The following ATP11A variants were observed in gnomAD, a reference collection of about 807,000 sequenced individuals.
ATP11A encodes the protein ATPase phospholipid transporting 11A.
Under a neutral mutation model 154.4 loss-of-function variants are expected in ATP11A, and 81 were observed. The observed-to-expected ratio is 0.52, with a 90% CI of 0.44 to 0.63. ATP11A has a LOEUF of 0.63. ATP11A is among the 30% of genes least tolerant of loss of function. The probability of loss-of-function intolerance (pLI) is 0.00; values close to 1 mark genes in which losing one functional copy is unlikely to be tolerated. For synonymous variants in ATP11A, 623 were observed against 585.9 expected, an observed-to-expected ratio of 1.06 and a Z score of -0.91; for missense variants, 1,316 against 1,474.3, an observed-to-expected ratio of 0.89 and a Z score of 1.76.
At chr13:112,756,961 C>T (rs901922910) in intron 1 of ATP11A, among the ~76,000 whole-genome samples, 1 of 151,566 alleles carries the variant, frequency 6.6e-6, no homozygotes, top group African/African-American at 2.4e-5. Context: ...GAAATTGTTA[C>T]ATACTAGTTA....
rs74115475 is a variant in ATP11A at position 112,794,596 on chromosome 13, G to A, written c.162+9339G>A. ...TAGAATAAAGCAATTGAGGCCAGGC[G>A]CAGTGGCTCACACCTGTAATCCCAG... On this transcript the variant is annotated intron_variant, in intron 2 of 29. Transcript: ENST00000375645. Among the ~76,000 whole-genome samples, 15 of 152,298 alleles carry A rather than the reference G, an allele frequency of 9.8e-5. No homozygotes were observed. The East Asian group carries it at 1.5e-3, about 16-fold the overall frequency.
intron 1 of ATP11A, among the ~76,000 whole-genome samples, chr13:112,725,562 T>C (rs1889757152): frequency 6.6e-6 from 1 of 152,196 alleles, no homozygotes; most frequent in Non-Finnish European, 1.5e-5. Flanking sequence ...AAGTGTGTGC[T>C]CTATGTGCTT....
At chr13:112,813,720 C>T (rs868843947) in intron 5 of ATP11A, among the ~76,000 whole-genome samples, 23 of 152,022 alleles carry the variant, frequency 1.5e-4, no homozygotes, top group Non-Finnish European at 2.4e-4. Context: ...TTCATTCCCA[C>T]GCACGACGTT....
At chr13:112,693,595 A>C (rs578150512) in intron 1 of ATP11A, among the ~76,000 whole-genome samples, 13 of 151,888 alleles carry the variant, frequency 8.6e-5, no homozygotes, top group Admixed American at 6.6e-4. Flanking sequence ...ATGGGGTAGC[A>C]TATGAGCCAT....
chr13:112,741,902 C>T (rs1453993307), intron 1 of ATP11A, among the ~76,000 whole-genome samples: 3 of 152,122 alleles, frequency 2.0e-5, no homozygotes, highest in Non-Finnish European at 4.4e-5. Flanking sequence ...GCTCCTCTTC[C>T]CCAGAGCGCT....
intron 1 of ATP11A, 146 bp from the exon 2 acceptor site, chr13:112,784,989 C>T: frequency 7.4e-6 from 8 of 1,078,948 alleles, no homozygotes; most frequent in Non-Finnish European, 8.5e-6. Flanking sequence ...GTGCTGGGCC[C>T]CAGGTCTCCC....
At chr13:112,716,517 G>A (rs1344901607) in intron 1 of ATP11A, among the ~76,000 whole-genome samples, 4 of 152,178 alleles carry the variant, frequency 2.6e-5, no homozygotes, top group Admixed American at 6.5e-5. Context: ...CTGGGAGGAC[G>A]GGAGCCGGGA....
At chr13:112,799,724 A>G (rs1303664742) in intron 2 of ATP11A, among the ~76,000 whole-genome samples, 1 of 152,258 alleles carries the variant, frequency 6.6e-6, no homozygotes, top group African/African-American at 2.4e-5. Flanking sequence ...TCATTCAACA[A>G]TAGCAGACCA....
At chr13:112,879,083 G>A (rs772782706) in intron 29 of ATP11A, among the ~76,000 whole-genome samples, 7 of 152,224 alleles carry the variant, frequency 4.6e-5, no homozygotes, top group South Asian at 2.1e-4. Flanking sequence ...CCTGCACGCC[G>A]TCCTGAAGTC....
At chr13:112,815,826 T>A (rs2078630503) in intron 5 of ATP11A, among the ~76,000 whole-genome samples, 1 of 152,180 alleles carries the variant, frequency 6.6e-6, no homozygotes, top group Non-Finnish European at 1.5e-5. Flanking sequence ...CAACTCGTCG[T>A]CTTGGTCTGA....
chr13:112,812,574 C>T (rs1038446713), intron 5 of ATP11A, among the ~76,000 whole-genome samples: 1 of 152,232 alleles, frequency 6.6e-6, no homozygotes, highest in African/African-American at 2.4e-5. Flanking sequence ...CTTCCCTGTC[C>T]AGTGGGACGG....
chr13:112,699,309 T>G (rs1023394119), intron 1 of ATP11A, among the ~76,000 whole-genome samples: 3 of 152,218 alleles, frequency 2.0e-5, no homozygotes, highest in Non-Finnish European at 4.4e-5. Context: ...TCTACCCCGT[T>G]TGGCAAAATG....
chr13:112,806,369 A>G, intron 4 of ATP11A, 76 bp downstream of exon 4: 1 of 1,218,362 alleles, frequency 8.2e-7, no homozygotes, highest in South Asian at 1.3e-5. Flanking sequence ...AAGCGAGGTG[A>G]TTGGTTTGTT....
chr13:112,753,487 T>G lies in ATP11A; in HGVS notation c.40-31648T>G, dbSNP rs946145769. Among the ~76,000 whole-genome samples, 11 of 152,372 alleles carry G rather than the reference T, an allele frequency of 7.2e-5. No individual in the cohort carries two copies. In the South Asian group the frequency reaches 8.3e-4, roughly 11 times the overall value. On this transcript the variant is annotated intron_variant, in intron 1 of 29. Transcript: ENST00000375645. The surrounding 1 kb of genome is among the most constrained non-coding windows in gnomAD (Gnocchi z 4.1). ...CGGCTTGCCAGCTTCTGGGCCTGCC[T>G]ACCGCTGCTGGATGAGATGCCACGT...
chr13:112,753,726 A>G lies in ATP11A; in HGVS notation c.40-31409A>G, dbSNP rs767432503. On this transcript the variant is annotated intron_variant, in intron 1 of 29. Transcript: ENST00000375645. The surrounding 1 kb of genome is among the most constrained non-coding windows in gnomAD (Gnocchi z 4.1). The stretch of plus-strand genomic sequence containing the variant: ...TGTGTGCCTGATTCCTGACATATTT[A>G]TTATTAATAATAATGGAGCAATAAA... Among the ~76,000 whole-genome samples, 1 of 151,828 alleles carries G rather than the reference A, an allele frequency of 6.6e-6. No individual in the cohort carries two copies. Among genetic ancestry groups the G allele is most frequent in the African/African-American group, 2.4e-5 (1 of 41,248 alleles).
intron 29 of ATP11A, chr13:112,880,880 A>G (rs930747982): frequency 9.8e-7 from 1 of 1,021,726 alleles, no homozygotes; most frequent in Non-Finnish European, 1.2e-6. Context: ...CTCACCCCAC[A>G]CGCACGGCAC....
rs746991977 is a variant in ATP11A, at chr13:112,859,268, T to C, written c.2668-125T>C. On this transcript the variant is annotated intron_variant, in intron 22 of 29. Transcript: ENST00000375645. This position sits in a 1 kb window ranked among gnomAD's most constrained non-coding sequence, Gnocchi z 4.3. Reference sequence around the variant, plus strand: ...GAGAAAGCTTTCTAGAACCCATTAGTGCTGTTCTGCCGCACGCTGGGTGCA... The same window carrying C: ...GAGAAAGCTTTCTAGAACCCATTAGCGCTGTTCTGCCGCACGCTGGGTGCA... The C allele has an allele frequency of 1.3e-6, 1 of 782,966 alleles. No individual in the cohort carries two copies. Among genetic ancestry groups the C allele is most frequent in the Non-Finnish European group, 2.3e-6 (1 of 432,348 alleles). The allele number at this position is 782,966 out of a possible 1,614,324, so 48.5% of individuals were successfully genotyped here. A position where few individuals can be genotyped will look rare whatever the true frequency, so the allele number is the denominator to read the frequency against.
Position 112,739,267 on chromosome 13 carries a change from A to G in ATP11A, c.40-45868A>G, listed in dbSNP as rs575143877. On this transcript the variant is annotated intron_variant, in intron 1 of 29. Transcript: ENST00000375645. ...CCAGAAGACACAAAGAACTCTGTCAACTCATAACAAAATGATGCTCTAATC... is the reference window on the plus strand; with the variant it reads ...CCAGAAGACACAAAGAACTCTGTCAGCTCATAACAAAATGATGCTCTAATC... Among the ~76,000 whole-genome samples, 14 of 152,314 alleles carry G rather than the reference A, an allele frequency of 9.2e-5. No individual in the cohort carries two copies. In the South Asian group the frequency reaches 2.3e-3, roughly 25 times the overall value.
chr13:112,832,801 C>A, intron 13 of ATP11A, 59 bp from the exon 14 acceptor site: 1 of 1,549,324 alleles, frequency 6.5e-7, no homozygotes, highest in Non-Finnish European at 8.8e-7. Flanking sequence ...GCGCCTGTTT[C>A]CCTCTATCTT....
Sources: allele counts gnomAD v4.1 joint callset (sites outside exome capture counted in the v4.1 genomes callset), GRCh38; gene constraint gnomAD v4.1.1; non-coding constraint Gnocchi (gnomAD v3.1); transcripts MANE v1.5; gene names NCBI Gene and HGNC (gene_info 2026-07-23, HGNC 2026-07-21).